STK40: variants seen among roughly 807,000 people sequenced by gnomAD.
STK40 encodes serine/threonine kinase 40.
In STK40, 13 loss-of-function variants were observed where a neutral mutation model predicts 47.9. That is an observed-to-expected ratio of 0.27 (90% CI 0.18 to 0.43). STK40 has a LOEUF of 0.43. Ranked by LOEUF, STK40 falls within the 20% of genes least tolerant of loss-of-function variation. The probability of loss-of-function intolerance (pLI) is 1.00; values close to 1 mark genes in which losing one functional copy is unlikely to be tolerated. For synonymous variants in STK40, 225 were observed against 243.2 expected (o/e 0.93, Z 0.69); for missense variants, 460 against 595.1 (o/e 0.77, Z 2.36).
chr1:36,344,113 G>A lies in STK40; in HGVS notation c.884+7C>T. ...GCCCCCCCCACCCCCCGGGAGGCAG[G>A]ACTCACTCAGGAATGGTATACTCGG... On this transcript the variant is annotated splice_region_variant and intron_variant, in intron 8 of 10. Coordinates refer to ENST00000373132, the MANE Select transcript of STK40 (RefSeq NM_001282547.2). 6.3e-7 allele frequency: 1 copy of A among 1,595,184 alleles called. No homozygotes were observed. Among genetic ancestry groups the A allele is most frequent in the Non-Finnish European group, 8.5e-7 (1 of 1,171,956 alleles).
rs866820712 is a variant in STK40, at chr1:36,341,787, C to T, written c.1276G>A (p.Ala426Thr). Residue 426 changes from alanine (A) to threonine (T), a missense_variant, in exon 11 of 11, where the codon GCC (alanine) becomes ACC (threonine). By Grantham distance (58) the Ala-to-Thr change is moderately conservative. This residue lies in a region of STK40 where 181 missense variants were observed against 218.9 expected (regional missense o/e 0.83). Transcript: ENST00000373132. ...CGCAGGTAGCGCTGCGCCAGGATGGCCGTGTCCAAGGAGGTCATGGGCTGT... is the reference window on the plus strand; with the variant it reads ...CGCAGGTAGCGCTGCGCCAGGATGGTCGTGTCCAAGGAGGTCATGGGCTGT... ...DAQPMTSLDT[A>T]ILAQRYLRK 6.2e-7 allele frequency: 1 copy of T among 1,612,380 alleles called. No homozygotes were observed. The highest frequency in any genetic ancestry group is 1.1e-5 in the South Asian group (1 of 90,992).
In STK40 at chr1:36,342,074, C is replaced by T. The variant is rs976583230; in HGVS notation, c.1090-101G>A. The T allele has an allele frequency of 4.4e-6, 5 of 1,131,576 alleles. No individual in the cohort carries two copies. The African/African-American group carries it at 7.7e-5, about 17-fold the overall frequency. 70.1% of individuals were successfully genotyped at this position (1,131,576 alleles called of 1,614,324 possible). On this transcript the variant is annotated intron_variant, in intron 10 of 10. Transcript: ENST00000373132. ...AAGAGTGCTGGCAGCCTGGCTCCTG[C>T]AGTCACCCTTCCAGGCACCACACCC...
At chr1:36,358,521 C>T (rs958713763) in intron 3 of STK40, 139 bp from the exon 4 acceptor site, 12 of 1,303,858 alleles carry the variant, frequency 9.2e-6, no homozygotes, top group African/African-American at 1.5e-5. Context: ...CAAGTGAAAT[C>T]GTTTTTCTTA....
intron 8 of STK40, 26 bp downstream of exon 8, chr1:36,344,094 C>A (rs201732054): frequency 3.0e-5 from 47 of 1,585,810 alleles, no homozygotes; most frequent in East Asian, 2.2e-4. Context: ...GGCTGCCCCC[C>A]CCACCCCCCG....
At chr1:36,383,356 A>C (rs990394290) in intron 1 of STK40, among the ~76,000 whole-genome samples, 27 of 152,254 alleles carry the variant, frequency 1.8e-4, no homozygotes, top group African/African-American at 6.5e-4. Context: ...GGGCAGTCTT[A>C]TCTCTCCAGC....
rs113259646 is a variant in STK40, at chr1:36,362,973, T to A, written c.-8-1633A>T. ...GAGTTCAAGGCCAGCCTGGCCAACA[T>A]GGTGAAACCCCGTCTCTACTAAAAA... is the stretch of plus-strand genomic sequence containing the variant. On this transcript the variant is annotated intron_variant, in intron 1 of 10. Transcript: ENST00000373132. Among the ~76,000 whole-genome samples the A allele has an allele frequency of 6.5e-3, 990 of 152,258 alleles. 8 individuals carry two copies. Among genetic ancestry groups the A allele is most frequent in the African/African-American group, 0.022 (929 of 41,528 alleles).
At position 36,354,451 on chromosome 1, in the gene STK40, A is replaced by G. The variant is rs1025087074; in HGVS notation, c.571-35T>C. On this transcript the variant is annotated intron_variant, in intron 5 of 10. Coordinates refer to ENST00000373132, the MANE Select transcript of STK40 (RefSeq NM_001282547.2). ...AACAGGCGTATGGTTTACATTGTCA[A>G]TGTGAGAGGTGGGGTCAGGGCCCAC... 6.2e-6 allele frequency: 10 copies of G among 1,612,672 alleles called. No individual in the cohort carries two copies. The East Asian group carries it at 1.6e-4, about 25-fold the overall frequency.
intron 4 of STK40, 36 bp from the exon 5 acceptor site, chr1:36,355,469 G>A (rs1190126918): frequency 6.2e-7 from 1 of 1,609,406 alleles, no homozygotes; most frequent in East Asian, 2.2e-5. Flanking sequence ...GCTTGGCTGT[G>A]AACTTGGCAG....
chr1:36,378,749 G>T (rs1169455529), intron 1 of STK40, among the ~76,000 whole-genome samples: 3 of 152,186 alleles, frequency 2.0e-5, no homozygotes, highest in African/African-American at 7.2e-5. Flanking sequence ...GAGCCACCGT[G>T]CCAGCCGGGC....
At chr1:36,368,034 T>C (rs973971229) in intron 1 of STK40, 3 of 240,896 alleles carry the variant, frequency 1.2e-5, no homozygotes, top group African/African-American at 2.3e-5. Context: ...AGCACATATA[T>C]TGTGCTGTAA....
At chr1:36,343,764 A>T (rs145471083) in intron 9 of STK40, 96 bp downstream of exon 9, 1 of 1,490,792 alleles carries the variant, frequency 6.7e-7, no homozygotes, top group East Asian at 2.3e-5. Context: ...TCTAACTGGC[A>T]GAGAAGCAGG....
chr1:36,378,646 A>G (rs537782132), intron 1 of STK40, among the ~76,000 whole-genome samples: 63 of 151,982 alleles, frequency 4.1e-4, no homozygotes, highest in Non-Finnish European at 6.9e-4. Flanking sequence ...TTTAGTAGAG[A>G]TGTGGTTTCA....
At chr1:36,360,509 CATTTT>C (rs72384228) in intron 2 of STK40, among the ~76,000 whole-genome samples, 44,324 of 148,802 alleles carry the variant, frequency 0.3, 6,796 homozygotes, top group African/African-American at 0.33. Flanking sequence ...CTTGGGTTTT[CATTTT>C]ATTTTATTTT....
intron 1 of STK40, among the ~76,000 whole-genome samples, chr1:36,375,991 C>T (rs1441881667): frequency 6.6e-6 from 1 of 151,592 alleles, no homozygotes. Flanking sequence ...CATTGCACTC[C>T]AGCCTGGGCA....
In STK40 at chr1:36,361,279, C is replaced by T. The variant is rs1646850164; in HGVS notation, c.54G>A (p.Lys18=). Residue 18 remains lysine (K), a synonymous_variant, in exon 2 of 11, where the codon AAG becomes AAA. Coordinates refer to ENST00000373132, the MANE Select transcript of STK40 (RefSeq NM_001282547.2). ...TTCCAGAAATCCCACTTCCTAGAGCCTTGGCCCTGGCCGACGTTTCCCCAG... is the reference window on the plus strand; with the variant it reads ...TTCCAGAAATCCCACTTCCTAGAGCTTTGGCCCTGGCCGACGTTTCCCCAG... ...RGAGETSARA[K]ALGSGISGNN... 4 of 1,614,248 alleles carry T rather than the reference C, an allele frequency of 2.5e-6. No homozygotes were observed. Among genetic ancestry groups the T allele is most frequent in the East Asian group, 2.2e-5 (1 of 44,894 alleles).
At chr1:36,378,076 C>A (rs1051117030) in intron 1 of STK40, among the ~76,000 whole-genome samples, 3 of 152,248 alleles carry the variant, frequency 2.0e-5, no homozygotes. Flanking sequence ...AGGCCCTTAA[C>A]TGCATGGTTG....
intron 1 of STK40, among the ~76,000 whole-genome samples, chr1:36,364,067 T>C (rs1646879523): frequency 6.6e-6 from 1 of 151,700 alleles, no homozygotes; most frequent in Non-Finnish European, 1.5e-5. Flanking sequence ...AGGAGAATAG[T>C]GTGAACCCAG....
At chr1:36,367,229 A>G (rs1003142045) in intron 1 of STK40, among the ~76,000 whole-genome samples, 2 of 152,054 alleles carry the variant, frequency 1.3e-5, no homozygotes, top group Non-Finnish European at 2.9e-5. Context: ...AGAGGCAACA[A>G]TGAGGGTGAG....
intron 6 of STK40, 145 bp downstream of exon 6, chr1:36,354,219 C>A: frequency 1.2e-6 from 1 of 805,316 alleles, no homozygotes. Flanking sequence ...ATGTTCATCC[C>A]ATCCCGAGCC....
Sources: allele counts gnomAD v4.1 joint callset (sites outside exome capture counted in the v4.1 genomes callset), GRCh38; gene constraint gnomAD v4.1.1; regional missense constraint gnomAD v4.1.1; transcripts MANE v1.5; gene names NCBI Gene and HGNC (gene_info 2026-07-23, HGNC 2026-07-21).